Variants in AGPS observed in about 807,000 individuals in gnomAD.
AGPS encodes the protein alkylglycerone phosphate synthase, also known as alkyldihydroxyacetonephosphate synthase, peroxisomal.
AGPS carries 26 observed loss-of-function variants against 90.7 expected under a neutral mutation model. That is an observed-to-expected ratio of 0.29 (90% CI 0.21 to 0.40). AGPS has a LOEUF of 0.40. Among genes scored for constraint, AGPS ranks in the 10% least tolerant of loss-of-function variants. The pLI is 1.00. For synonymous variants in AGPS, 294 were observed against 285.3 expected, an observed-to-expected ratio of 1.03 and a Z score of -0.31; for missense variants, 540 against 816.1, an observed-to-expected ratio of 0.66 and a Z score of 4.12.
chr2:177,463,259 T>C (rs1687351781), intron 9 of AGPS, among the ~76,000 whole-genome samples: 1 of 152,180 alleles, frequency 6.6e-6, no homozygotes, highest in Non-Finnish European at 1.5e-5. Flanking sequence ...TACAAATTGG[T>C]TTACGTTTCT....
At chr2:177,410,042 G>C (rs1197948307) in intron 1 of AGPS, among the ~76,000 whole-genome samples, 3 of 152,210 alleles carry the variant, frequency 2.0e-5, no homozygotes, top group Non-Finnish European at 2.9e-5. Context: ...CCATTGGTTA[G>C]CTGCAGGCAA....
intron 6 of AGPS, 192 bp downstream of exon 6, chr2:177,441,228 C>A: frequency 1.8e-6 from 1 of 551,576 alleles, no homozygotes; most frequent in Admixed American, 3.3e-5. Context: ...ACATGGTATA[C>A]CTTAGTTCAT....
At chr2:177,445,036 A>G (rs1017346086) in intron 7 of AGPS, among the ~76,000 whole-genome samples, 6 of 152,144 alleles carry the variant, frequency 3.9e-5, no homozygotes, top group African/African-American at 1.4e-4. Context: ...GCTATATTCA[A>G]ATGTCCTTGC....
intron 1 of AGPS, among the ~76,000 whole-genome samples, chr2:177,403,664 G>A (rs1027577524): frequency 2.0e-5 from 3 of 152,184 alleles, no homozygotes; most frequent in Admixed American, 6.5e-5. Context: ...AGAGATAACC[G>A]CTATAGCACA....
In AGPS at chr2:177,531,022, C is replaced by T. The variant is rs2079132190; in HGVS notation, c.1856-7052C>T. Among the ~76,000 whole-genome samples, 4 of 152,034 alleles carry T rather than the reference C, an allele frequency of 2.6e-5. No homozygotes were observed. In the South Asian group the frequency reaches 8.3e-4, roughly 32 times the overall value. ...TAGTTTAAATATTGATTTTTTTTAC[C>T]TAACCAAAATTACTCCCTATTATAA... is the stretch of plus-strand genomic sequence containing the variant. On this transcript the variant is annotated intron_variant, in intron 19 of 19. Transcript: ENST00000264167.
At chr2:177,523,196 T>TA (rs756927239) in intron 18 of AGPS, among the ~76,000 whole-genome samples, 5 of 152,236 alleles carry the variant, frequency 3.3e-5, no homozygotes. Flanking sequence ...ATAAAGACTC[T>TA]AATAGCTTTA....
chr2:177,512,050 C>G (rs1391370697), intron 16 of AGPS, among the ~76,000 whole-genome samples: 1 of 152,134 alleles, frequency 6.6e-6, no homozygotes, highest in Non-Finnish European at 1.5e-5. Context: ...GACTACTTAG[C>G]TGTAGCACTT....
intron 19 of AGPS, among the ~76,000 whole-genome samples, chr2:177,525,322 T>C (rs78543968): frequency 0.025 from 3,750 of 152,268 alleles, 335 homozygotes; most frequent in Admixed American, 0.16. Context: ...TGTATTAATA[T>C]TCAGGGAACT....
intron 19 of AGPS, among the ~76,000 whole-genome samples, chr2:177,525,566 G>A (rs1019921721): frequency 6.6e-6 from 1 of 152,160 alleles, no homozygotes; most frequent in African/African-American, 2.4e-5. Flanking sequence ...ATATGGGGGA[G>A]AAGTGATTCT....
At chr2:177,419,626 G>A (rs1685887354) in intron 1 of AGPS, among the ~76,000 whole-genome samples, 1 of 151,830 alleles carries the variant, frequency 6.6e-6, no homozygotes, top group Non-Finnish European at 1.5e-5. Flanking sequence ...AAAATAGCAT[G>A]TTATGAAATA....
At chr2:177,505,726 A>G (rs1317458757) in intron 15 of AGPS, 151 bp downstream of exon 15, 36 of 701,098 alleles carry the variant, frequency 5.1e-5, no homozygotes, top group Non-Finnish European at 8.0e-5. Context: ...TATTTTAGCT[A>G]CAAATCTTCA....
intron 1 of AGPS, among the ~76,000 whole-genome samples, chr2:177,414,348 G>A (rs1048356459): frequency 2.6e-5 from 4 of 151,986 alleles, no homozygotes; most frequent in African/African-American, 9.7e-5. Context: ...TGGGATTACA[G>A]GCTTGCACCA....
At chr2:177,396,519 A>G (rs1317145917) in intron 1 of AGPS, among the ~76,000 whole-genome samples, 5 of 152,176 alleles carry the variant, frequency 3.3e-5, no homozygotes, top group Admixed American at 6.5e-5. Context: ...CTGGGAAGAG[A>G]CATGATCAGA....
intron 10 of AGPS, among the ~76,000 whole-genome samples, chr2:177,470,256 G>A (rs1687572815): frequency 6.6e-6 from 1 of 152,154 alleles, no homozygotes; most frequent in South Asian, 2.1e-4. Context: ...AATGGTAAGG[G>A]CTACAGGGTA....
rs1259854329 is a variant in AGPS at position 177,501,057 on chromosome 2, T to TA, written c.1475+1331dup. 3.3e-5 allele frequency among the ~76,000 whole-genome samples: 5 copies of TA among 152,304 alleles called. No homozygotes were observed. The East Asian group carries it at 9.6e-4, about 29-fold the overall frequency. Reference sequence around the variant, plus strand: ...GATGTTAGTAAGGCACAAGGACATTTAAAACCTACTCTAGCCTTAAATATT... The same window carrying TA: ...GATGTTAGTAAGGCACAAGGACATTTAAAAACCTACTCTAGCCTTAAATATT... On this transcript the variant is annotated intron_variant, in intron 14 of 19. Coordinates refer to ENST00000264167, the MANE Select transcript of AGPS (RefSeq NM_003659.4).
rs2079214761 is a variant in AGPS, at chr2:177,539,664, T to C, written c.*1469T>C. ...TCTGAAGTAGCCTTAACCAGAAAAATGGTAATTTAAAATTGACAAAATGAT... is the reference window on the plus strand; with the variant it reads ...TCTGAAGTAGCCTTAACCAGAAAAACGGTAATTTAAAATTGACAAAATGAT... On this transcript the variant is annotated 3_prime_UTR_variant, in exon 20 of 20. Transcript: ENST00000264167. The C allele has an allele frequency of 6.6e-6, 1 of 151,984 alleles. No homozygotes were observed. The highest frequency in any genetic ancestry group is 1.5e-5 in the Non-Finnish European group (1 of 67,926). 9.4% of individuals were successfully genotyped at this position (151,984 alleles called of 1,614,324 possible).
chr2:177,520,994 C>T (rs1415358057), intron 17 of AGPS, among the ~76,000 whole-genome samples: 2 of 152,176 alleles, frequency 1.3e-5, no homozygotes, highest in African/African-American at 2.4e-5. Context: ...ATGGGACAGA[C>T]ATGAAAAAGA....
Position 177,536,922 on chromosome 2 carries a change from A to G in AGPS, c.1856-1152A>G, listed in dbSNP as rs537650525. On this transcript the variant is annotated intron_variant, in intron 19 of 19. Transcript: ENST00000264167. ...AAGGCAGATGCTATGATGTATCACT[A>G]TAGCCTAATAAATGGGAATGCATTA... is the stretch of plus-strand genomic sequence containing the variant. 3.9e-5 allele frequency among the ~76,000 whole-genome samples: 6 copies of G among 152,298 alleles called. No homozygotes were observed. In the East Asian group the frequency reaches 9.6e-4, roughly 24 times the overall value.
intron 18 of AGPS, among the ~76,000 whole-genome samples, chr2:177,522,705 T>C (rs1689234280): frequency 6.6e-6 from 1 of 152,122 alleles, no homozygotes. Context: ...CCACCCACCT[T>C]GGCCTCCCAA....
Sources: allele counts gnomAD v4.1 joint callset (sites outside exome capture counted in the v4.1 genomes callset), GRCh38; gene constraint gnomAD v4.1.1; transcripts MANE v1.5; gene names NCBI Gene and HGNC (gene_info 2026-07-23, HGNC 2026-07-21).